The following ARNT2 variants were observed in gnomAD, a reference collection of about 807,000 sequenced individuals.
ARNT2 encodes the protein aryl hydrocarbon receptor nuclear translocator 2, also known as ARNT protein 2.
In ARNT2, 36 loss-of-function variants were observed where a neutral mutation model predicts 91.7. The ratio of observed to expected loss-of-function variants is 0.39; its 90% confidence interval spans 0.30 to 0.52. ARNT2 has a LOEUF of 0.52. Among genes scored for constraint, ARNT2 ranks in the 20% least tolerant of loss-of-function variants. The pLI, the probability that ARNT2 is intolerant of heterozygous loss-of-function variation, is 0.72. For missense variants in ARNT2, 775 were observed against 939.3 expected (o/e 0.83, Z 2.29); for synonymous variants, 365 against 347.1 (o/e 1.05, Z -0.57).
Position 80,410,994 on chromosome 15 carries a change from T to C in ARNT2, c.31+6448T>C, listed in dbSNP as rs571409491. On this transcript the variant is annotated intron_variant, in intron 1 of 18. Coordinates refer to ENST00000303329, the MANE Select transcript of ARNT2 (RefSeq NM_014862.4). ...CTTTCCAATTGAGGGCTCTTGTTTA[T>C]GTTGTGTCCCTCTTCTTGGAATGAT... is the stretch of plus-strand genomic sequence containing the variant. Among the ~76,000 whole-genome samples the C allele has an allele frequency of 1.2e-4, 19 of 152,306 alleles. No homozygotes were observed. The South Asian group carries it at 1.9e-3, about 15-fold the overall frequency.
At chr15:80,423,091 G>C (rs1249650577) in intron 1 of ARNT2, among the ~76,000 whole-genome samples, 1 of 152,176 alleles carries the variant, frequency 6.6e-6, no homozygotes, top group East Asian at 1.9e-4. Flanking sequence ...TGTGACTTCA[G>C]GCAGGTTCTT....
In ARNT2 at chr15:80,550,953, C is replaced by T. The variant is rs79380280; in HGVS notation, c.878-246C>T. Among the ~76,000 whole-genome samples the T allele has an allele frequency of 2.3e-3, 351 of 152,352 alleles. 2 individuals are homozygous for T. The highest frequency in any genetic ancestry group is 7.6e-3 in the African/African-American group (314 of 41,576). On this transcript the variant is annotated intron_variant, in intron 8 of 18. Transcript: ENST00000303329. ...TACAGAATAACTATTTCCATTTCAT[C>T]TTCCTTAATTTCCTCTGCATCATCC...
chr15:80,483,967 A>G (rs985880574), intron 5 of ARNT2, among the ~76,000 whole-genome samples: 1 of 152,238 alleles, frequency 6.6e-6, no homozygotes, highest in African/African-American at 2.4e-5. Context: ...CCTGTGAATT[A>G]TGCAGTCCAC....
At chr15:80,412,659 A>G (rs1413065217) in intron 1 of ARNT2, among the ~76,000 whole-genome samples, 2 of 152,232 alleles carry the variant, frequency 1.3e-5, no homozygotes, top group Non-Finnish European at 2.9e-5. Context: ...ATTAACTCAC[A>G]TTCTTATATC....
intron 10 of ARNT2, among the ~76,000 whole-genome samples, chr15:80,553,358 C>G (rs187823553): frequency 6.6e-6 from 1 of 152,202 alleles, no homozygotes; most frequent in Non-Finnish European, 1.5e-5. Context: ...ATAGAAAAGA[C>G]ATTTAGGAGA....
At chr15:80,454,080 G>A (rs1258229496) in intron 2 of ARNT2, among the ~76,000 whole-genome samples, 1 of 152,248 alleles carries the variant, frequency 6.6e-6, no homozygotes, top group African/African-American at 2.4e-5. Flanking sequence ...ATCAGTAAGT[G>A]TCTTAGCGAG....
intron 4 of ARNT2, among the ~76,000 whole-genome samples, chr15:80,474,613 C>T (rs1440560148): frequency 6.6e-6 from 1 of 152,176 alleles, no homozygotes; most frequent in African/African-American, 2.4e-5. Context: ...CTATCTAGCA[C>T]CTTTTGTGCC....
intron 2 of ARNT2, among the ~76,000 whole-genome samples, chr15:80,454,863 G>A (rs1308283286): frequency 1.3e-5 from 2 of 152,194 alleles, no homozygotes; most frequent in Non-Finnish European, 2.9e-5. Flanking sequence ...GCTTTCTGTC[G>A]AGGCAGGCAT....
At chr15:80,580,255 T>C in intron 15 of ARNT2, 156 bp from the exon 16 acceptor site, 1 of 971,798 alleles carries the variant, frequency 1.0e-6, no homozygotes, top group Non-Finnish European at 1.6e-6. Flanking sequence ...CAAGGGGCTT[T>C]GAGGCTCACG....
Position 80,581,385 on chromosome 15 carries a change from C to T in ARNT2, c.1899C>T (p.Ala633=). 6.2e-7 allele frequency: 1 copy of T among 1,614,144 alleles called. No individual in the cohort carries two copies. Among genetic ancestry groups the T allele is most frequent in the Non-Finnish European group, 8.5e-7 (1 of 1,180,012 alleles). ...SPSGNAYSSL[A]NRTPGFAESG... is the part of the protein sequence containing the mutation. ...GTGGGAATGCCTACTCCAGTCTTGCCAACAGGACTCCAGGGTTCGGTAGGT... is the reference window on the plus strand; with the variant it reads ...GTGGGAATGCCTACTCCAGTCTTGCTAACAGGACTCCAGGGTTCGGTAGGT... Residue 633 remains alanine (A), a synonymous_variant, in exon 17 of 19, where the codon GCC becomes GCT. Coordinates refer to ENST00000303329, the MANE Select transcript of ARNT2 (RefSeq NM_014862.4).
chr15:80,493,446 A>G (rs56687288), intron 5 of ARNT2, among the ~76,000 whole-genome samples: 77,243 of 152,072 alleles, frequency 0.51, 20,321 homozygotes, highest in African/African-American at 0.64. Flanking sequence ...CTTGGTCACC[A>G]TTACCTGAAG....
At chr15:80,484,424 T>C (rs948944476) in intron 5 of ARNT2, among the ~76,000 whole-genome samples, 1 of 152,192 alleles carries the variant, frequency 6.6e-6, no homozygotes, top group African/African-American at 2.4e-5. Context: ...TGCTGGCTGG[T>C]TGTTTTTTGT....
chr15:80,486,368 G>A (rs1182645970), intron 5 of ARNT2, among the ~76,000 whole-genome samples: 1 of 152,164 alleles, frequency 6.6e-6, no homozygotes, highest in African/African-American at 2.4e-5. Flanking sequence ...TGTAACAGTG[G>A]AGATGGAGGG....
At chr15:80,511,093 A>G (rs932628506) in intron 6 of ARNT2, among the ~76,000 whole-genome samples, 1 of 152,180 alleles carries the variant, frequency 6.6e-6, no homozygotes, top group African/African-American at 2.4e-5. Context: ...TTATTGCAGC[A>G]CTATTCACAA....
chr15:80,433,308 C>T (rs181678331), intron 1 of ARNT2, among the ~76,000 whole-genome samples: 31 of 62,588 alleles, frequency 5.0e-4, no homozygotes, highest in African/African-American at 1.8e-3. Flanking sequence ...TTTTTTGAGA[C>T]CGAGTCTTGC....
At chr15:80,511,505 A>T (rs1477924571) in intron 6 of ARNT2, among the ~76,000 whole-genome samples, 2 of 152,012 alleles carry the variant, frequency 1.3e-5, no homozygotes. Flanking sequence ...ACAAACCTGC[A>T]CTTGAACTTA....
chr15:80,465,254 G>A (rs1429243779), intron 3 of ARNT2, among the ~76,000 whole-genome samples: 2 of 152,174 alleles, frequency 1.3e-5, no homozygotes, highest in Non-Finnish European at 2.9e-5. Context: ...CAGTTCTAGT[G>A]CAATCTGGGG....
Position 80,475,173 on chromosome 15 carries a change from A to G in ARNT2, c.572A>G (p.Asp191Gly). Residue 191 changes from aspartate to glycine, a missense_variant, in exon 5 of 19, where the codon GAC becomes GGC. Around this residue, in one of 5 missense-constraint regions of ARNT2, gnomAD observed 285 missense variants for 327.2 expected, o/e 0.87. Coordinates refer to ENST00000303329, the MANE Select transcript of ARNT2 (RefSeq NM_014862.4). ...CTGTATGAACAGGTGCATCCTGATG[A>G]CGTGGAGAAGCTGAGAGAGCAACTG... ...STLYEQVHPDDVEKLREQLCT... is the reference protein window; with the variant it reads ...STLYEQVHPDGVEKLREQLCT... The G allele has an allele frequency of 6.2e-7, 1 of 1,614,180 alleles. No individual in the cohort carries two copies. Among genetic ancestry groups the G allele is most frequent in the Non-Finnish European group, 8.5e-7 (1 of 1,180,028 alleles).
Position 80,581,221 on chromosome 15 carries a change from G to A in ARNT2, c.1753-18G>A. ...TGCTGGTGATGCTTTCCATCTCTTT[G>A]CTTTGTCCTGATTGTAGCAAATCCC... On this transcript the variant is annotated intron_variant, in intron 16 of 18. Transcript: ENST00000303329. 6.2e-7 allele frequency: 1 copy of A among 1,613,740 alleles called. No individual in the cohort carries two copies. Among genetic ancestry groups the A allele is most frequent in the South Asian group, 1.1e-5 (1 of 91,070 alleles).
Sources: allele counts gnomAD v4.1 joint callset (sites outside exome capture counted in the v4.1 genomes callset), GRCh38; gene constraint gnomAD v4.1.1; regional missense constraint gnomAD v4.1.1; transcripts MANE v1.5; gene names NCBI Gene and HGNC (gene_info 2026-07-23, HGNC 2026-07-21).